B4GALNT3: variants seen among roughly 807,000 people sequenced by gnomAD.
B4GALNT3 encodes beta-1,4-N-acetyl-galactosaminyltransferase 3.
Under a neutral mutation model 120.2 loss-of-function variants are expected in B4GALNT3, and 86 were observed. The ratio of observed to expected loss-of-function variants is 0.72; its 90% CI spans 0.60 to 0.86. The LOEUF (loss-of-function observed/expected upper bound fraction) is 0.86. Among genes scored for constraint, B4GALNT3 ranks in the 40% least tolerant of loss-of-function variants. The pLI is 0.00. For synonymous variants in B4GALNT3, 518 were observed against 510.4 expected (o/e 1.01, Z -0.20); for missense variants, 1,167 against 1,298.9 (o/e 0.90, Z 1.56).
chr12:533,083 ATCC>A (rs777363278), intron 1 of B4GALNT3, among the ~76,000 whole-genome samples: 24 of 152,162 alleles, frequency 1.6e-4, no homozygotes, highest in Non-Finnish European at 3.2e-4. Flanking sequence ...GGCAGGGCCC[ATCC>A]TCCTCCTCCC....
intron 19 of B4GALNT3, among the ~76,000 whole-genome samples, chr12:560,023 A>G (rs1371548729): frequency 6.6e-6 from 1 of 152,206 alleles, no homozygotes; most frequent in East Asian, 1.9e-4. Flanking sequence ...TGGCAGGTGG[A>G]CAAGGAGAGC....
chr12:512,539 A>AACCTTCC (rs1565598807), intron 1 of B4GALNT3, among the ~76,000 whole-genome samples: 4 of 46,338 alleles, frequency 8.6e-5, no homozygotes, highest in East Asian at 6.8e-4. Context: ...TTCCACCTTC[A>AACCTTCC]ACCTTCCACC....
intron 15 of B4GALNT3, 112 bp from the exon 16 acceptor site, chr12:557,496 G>A: frequency 9.2e-7 from 1 of 1,091,208 alleles, no homozygotes. Flanking sequence ...TGTCCCCTCA[G>A]CCGAGGTCCG....
rs141142525 is a variant in B4GALNT3 at position 561,365 on chromosome 12, G to A, written c.2911G>A (p.Val971Met). 3.3e-4 allele frequency: 529 copies of A among 1,613,972 alleles called. No homozygotes were observed. The highest frequency in any genetic ancestry group is 8.3e-4 in the Middle Eastern group (5 of 6,060). ...LDRILQAGLDVERLSLRNFFH... is the reference protein window; with the variant it reads ...LDRILQAGLDMERLSLRNFFH... ...CAGGATACTCCAAGCGGGCCTGGAC[G>A]TGGAGCGTCTCTCCCTCAGGAATTT... The change falls in exon 20 of 20, where the codon GTG becomes ATG. Residue 971 changes from valine to methionine, a missense_variant. By Grantham distance (21) the Val-to-Met change is conservative. Transcript: ENST00000266383.
chr12:556,232 A>G (rs1461517554), intron 14 of B4GALNT3, among the ~76,000 whole-genome samples: 1 of 152,136 alleles, frequency 6.6e-6, no homozygotes, highest in Non-Finnish European at 1.5e-5. Flanking sequence ...TGTTGATTCG[A>G]CCGTTTTTAT....
intron 18 of B4GALNT3, among the ~76,000 whole-genome samples, chr12:558,935 G>A (rs187875389): frequency 1.3e-5 from 2 of 151,842 alleles, no homozygotes; most frequent in East Asian, 2.0e-4. Flanking sequence ...CTGTGTGCCA[G>A]ATGCTCTGCC....
chr12:498,796 G>A (rs140493831), intron 1 of B4GALNT3, among the ~76,000 whole-genome samples: 53 of 152,294 alleles, frequency 3.5e-4, no homozygotes, highest in African/African-American at 1.2e-3. Context: ...CTTCAAGCAC[G>A]CTGGACAGCC....
Position 553,291 on chromosome 12 carries a change from A to G in B4GALNT3, c.1368A>G (p.Arg456=), listed in dbSNP as rs1947105884. 1.9e-6 allele frequency: 3 copies of G among 1,613,570 alleles called. No individual in the cohort carries two copies. In the East Asian group the frequency reaches 6.7e-5, roughly 36 times the overall value. The change falls in exon 14 of 20, where the codon AGA becomes AGG. Residue 456 remains arginine (R), a synonymous_variant. Coordinates refer to ENST00000266383, the MANE Select transcript of B4GALNT3 (RefSeq NM_173593.4). The part of the protein sequence containing the change: ...NNQNARMLEG[R]QTPASTLEQD... ...AGAATGCCAGGATGCTTGAGGGAAG[A>G]CAGACACCTGCCTCCACCCTGGAGC...
Position 459,976 on chromosome 12 carries a change from G to A in B4GALNT3, c.-401G>A, listed in dbSNP as rs928658937. Among the ~76,000 whole-genome samples the A allele has an allele frequency of 1.3e-5, 2 of 151,434 alleles. No homozygotes were observed. The highest frequency in any genetic ancestry group is 4.8e-5 in the African/African-American group (2 of 41,304). Reference sequence around the variant, plus strand: ...CAGGAGAGCCCAGAGCCCGGAGCCCGGTCCGGGGCTGGCGGGGGCGCGGGC... The same window carrying A: ...CAGGAGAGCCCAGAGCCCGGAGCCCAGTCCGGGGCTGGCGGGGGCGCGGGC... On this transcript the variant is annotated 5_prime_UTR_variant, in exon 1 of 20. Transcript: ENST00000266383.
chr12:464,622 ACT>A (rs1052107360), intron 1 of B4GALNT3, among the ~76,000 whole-genome samples: 4 of 127,070 alleles, frequency 3.1e-5, no homozygotes, highest in African/African-American at 1.0e-4. Flanking sequence ...ACAGAGCGAG[ACT>A]CTACTTAAAA....
At position 553,852 on chromosome 12, in the gene B4GALNT3, C is replaced by G; in HGVS notation, c.1929C>G (p.Leu643=). 1 of 1,614,220 alleles carries G rather than the reference C, an allele frequency of 6.2e-7. No individual in the cohort carries two copies. Among genetic ancestry groups the G allele is most frequent in the Non-Finnish European group, 8.5e-7 (1 of 1,180,028 alleles). The change falls in exon 14 of 20, where the codon CTC becomes CTG. Residue 643 remains leucine, a synonymous_variant. Transcript: ENST00000266383. ...ACCAGACCTTCAGTGCCCGGAATCT[C>G]GACTTCCAAGCCCTGAGGACTGACT... The part of the protein sequence containing the change: ...NWDQTFSARN[L]DFQALRTDWI...
chr12:506,262 T>G (rs1028795516), intron 1 of B4GALNT3, among the ~76,000 whole-genome samples: 1 of 152,198 alleles, frequency 6.6e-6, no homozygotes, highest in Non-Finnish European at 1.5e-5. Flanking sequence ...TCCTTAAATA[T>G]CATCATTTTA....
At chr12:516,929 A>G (rs922204725) in intron 1 of B4GALNT3, among the ~76,000 whole-genome samples, 1 of 152,074 alleles carries the variant, frequency 6.6e-6, no homozygotes, top group Non-Finnish European at 1.5e-5. Context: ...GGGATTGGAT[A>G]TGGGGAGAGG....
chr12:488,980 C>T (rs751805883), intron 1 of B4GALNT3, among the ~76,000 whole-genome samples: 4 of 151,626 alleles, frequency 2.6e-5, no homozygotes, highest in Non-Finnish European at 4.4e-5. Flanking sequence ...CGGAAGACTG[C>T]AGCTATAAAA....
intron 1 of B4GALNT3, among the ~76,000 whole-genome samples, chr12:510,502 G>GGAGTGGGCTGGGCTGGGA (rs556557465): frequency 6.8e-6 from 1 of 147,362 alleles, no homozygotes; most frequent in Non-Finnish European, 1.5e-5. Context: ...GGAGGGAAAC[G>GGAGTGGGCTGGGCTGGGA]GGCCCTTTCA....
intron 15 of B4GALNT3, among the ~76,000 whole-genome samples, chr12:557,249 A>T (rs1240043715): frequency 6.6e-6 from 1 of 152,162 alleles, no homozygotes; most frequent in Non-Finnish European, 1.5e-5. Flanking sequence ...GAAGTGTAAC[A>T]ACAGAGGTAG....
At chr12:557,421 C>G (rs1267592665) in intron 15 of B4GALNT3, among the ~76,000 whole-genome samples, 187 bp from the exon 16 acceptor site, 1 of 152,196 alleles carries the variant, frequency 6.6e-6, no homozygotes, top group East Asian at 1.9e-4. Context: ...GCCCCCTTAA[C>G]TGGTGAGCAC....
intron 1 of B4GALNT3, among the ~76,000 whole-genome samples, chr12:509,052 C>CT (rs1484010170): frequency 1.3e-5 from 2 of 152,342 alleles, no homozygotes; most frequent in Admixed American, 6.5e-5. Flanking sequence ...CAGCAGGTGT[C>CT]TAAGACAGAC....
intron 1 of B4GALNT3, among the ~76,000 whole-genome samples, chr12:526,433 G>C (rs903077547): frequency 4.6e-5 from 7 of 152,194 alleles, no homozygotes; most frequent in African/African-American, 7.2e-5. Flanking sequence ...GACAAGCCTA[G>C]CGGGTTCAGA....
Sources: gnomAD v4.1 joint callset for allele counts (sites outside exome capture counted in the v4.1 genomes callset) on GRCh38, gnomAD v4.1.1 for gene constraint, MANE v1.5 for transcripts, NCBI Gene and HGNC (gene_info 2026-07-23, HGNC 2026-07-21) for gene names.